Variants in QTGAL observed in about 807,000 individuals in gnomAD.
The protein encoded by QTGAL is queuosine-tRNA galactosyltransferase.
At chr17:82,985,599 T>G in the QTGAL span, among the ~76,000 whole-genome samples, 1 of 152,172 alleles carries the variant, frequency 6.6e-6, no homozygotes, top group Non-Finnish European at 1.5e-5. Flanking sequence ...TTCACGTGAC[T>G]CCTGCTACCC....
At chr17:83,029,499 G>A in the QTGAL span, among the ~76,000 whole-genome samples, 1 of 152,202 alleles carries the variant, frequency 6.6e-6, no homozygotes, top group African/African-American at 2.4e-5. Flanking sequence ...TCACCTGTGA[G>A]ACGTGAGAAG....
the QTGAL span, chr17:82,961,190 C>T: frequency 1.1e-5 from 17 of 1,604,368 alleles, no homozygotes; most frequent in South Asian, 1.0e-4. Flanking sequence ...CCCTGCAGGG[C>T]GGGAGAAGCA....
chr17:83,038,198 T>C, the QTGAL span, among the ~76,000 whole-genome samples: 3 of 152,304 alleles, frequency 2.0e-5, no homozygotes, highest in African/African-American at 4.8e-5. Flanking sequence ...AAAAATATCA[T>C]TACAGGAAAA....
the QTGAL span, among the ~76,000 whole-genome samples, chr17:83,041,605 A>G: frequency 6.6e-6 from 1 of 152,240 alleles, no homozygotes. Flanking sequence ...ATGCTCCTCA[A>G]CTGAGGGTGA....
the QTGAL span, among the ~76,000 whole-genome samples, chr17:82,970,368 C>T: frequency 3.3e-5 from 5 of 152,388 alleles, no homozygotes; most frequent in Non-Finnish European, 5.9e-5. Context: ...TTCACGATTA[C>T]AAAGCAACCA....
At chr17:83,004,597 C>G in the QTGAL span, among the ~76,000 whole-genome samples, 1 of 135,324 alleles carries the variant, frequency 7.4e-6, no homozygotes. Flanking sequence ...CTCTGCAGTC[C>G]GCATGTGGGA....
the QTGAL span, chr17:83,007,312 C>T: frequency 2.0e-5 from 20 of 981,764 alleles, no homozygotes; most frequent in Admixed American, 1.8e-4. Context: ...CCAATCTGAC[C>T]GAGATGCATT....
the QTGAL span, among the ~76,000 whole-genome samples, chr17:83,031,245 C>T: frequency 2.1e-4 from 32 of 151,162 alleles, no homozygotes; most frequent in East Asian, 4.9e-3. Flanking sequence ...CAGCGACGGC[C>T]GCCAGAGCAC....
chr17:82,961,150 T>G, the QTGAL span: 8 of 1,608,044 alleles, frequency 5.0e-6, no homozygotes, highest in Non-Finnish European at 6.8e-6. Flanking sequence ...CCTGAGGTGC[T>G]CGTAGAAGAA....
At chr17:82,956,853 A>G in the QTGAL span, 1 of 1,461,058 alleles carries the variant, frequency 6.8e-7, no homozygotes, top group Non-Finnish European at 9.4e-7. The surrounding 1 kb of genome is among the most constrained non-coding windows in gnomAD (Gnocchi z 5.7). Flanking sequence ...GCAGCCACCA[A>G]GTTGGCTCAC....
chr17:83,026,149 G>A, the QTGAL span, among the ~76,000 whole-genome samples: 1 of 152,182 alleles, frequency 6.6e-6, no homozygotes, highest in Non-Finnish European at 1.5e-5. Flanking sequence ...GCACAGAGAG[G>A]CCCCCTTTGC....
At chr17:83,002,001 A>G in the QTGAL span, among the ~76,000 whole-genome samples, 1 of 150,962 alleles carries the variant, frequency 6.6e-6, no homozygotes, top group Non-Finnish European at 1.5e-5. Context: ...GGCTCAAGTG[A>G]TCCTCCTGCT....
chr17:83,039,227 T>A, the QTGAL span, among the ~76,000 whole-genome samples: 2 of 133,160 alleles, frequency 1.5e-5, no homozygotes, highest in Non-Finnish European at 3.4e-5. Flanking sequence ...CGCCCGCCCC[T>A]GTTCTAGACA....
the QTGAL span, among the ~76,000 whole-genome samples, chr17:82,971,186 C>A: frequency 3.3e-4 from 51 of 152,332 alleles, no homozygotes; most frequent in African/African-American, 1.1e-3. Context: ...TATATCCAGG[C>A]CGGTCTGTGC....
the QTGAL span, chr17:82,965,584 G>A: frequency 7.0e-7 from 1 of 1,437,124 alleles, no homozygotes; most frequent in Non-Finnish European, 9.5e-7. Context: ...CCAGTGTGCA[G>A]AGCCCACACA....
the QTGAL span, among the ~76,000 whole-genome samples, chr17:82,962,311 C>T: frequency 2.0e-5 from 3 of 152,226 alleles, no homozygotes; most frequent in African/African-American, 4.8e-5. Context: ...ACAAAAACCA[C>T]GATGACATGG....
At chr17:82,990,106 AT>A in the QTGAL span, among the ~76,000 whole-genome samples, 3 of 152,080 alleles carry the variant, frequency 2.0e-5, no homozygotes, top group Admixed American at 2.0e-4. Context: ...TTCTCCTTAC[AT>A]TTTCCCGTCT....
chr17:82,979,179 G>T, the QTGAL span, among the ~76,000 whole-genome samples: 1 of 152,280 alleles, frequency 6.6e-6, no homozygotes, highest in South Asian at 2.1e-4. Flanking sequence ...GTCAAACCAA[G>T]AGCTGGCTCT....
the QTGAL span, among the ~76,000 whole-genome samples, chr17:82,966,216 T>C: frequency 1.3e-5 from 2 of 151,868 alleles, no homozygotes; most frequent in Non-Finnish European, 2.9e-5. Flanking sequence ...CGTGCCTGGC[T>C]ATTTTCTTAC....
Sources: gnomAD v4.1 joint callset for allele counts (sites outside exome capture counted in the v4.1 genomes callset) on GRCh38, gnomAD v4.1.1 for gene constraint, Gnocchi (gnomAD v3.1) non-coding constraint, MANE v1.5 for transcripts, NCBI Gene and HGNC (gene_info 2026-07-23, HGNC 2026-07-21) for gene names.